Variants in CCDC40 observed in about 807,000 individuals in gnomAD.
CCDC40 encodes the protein coiled-coil domain 40 molecular ruler complex subunit, also known as coiled-coil domain-containing protein 40.
CCDC40 carries 104 observed loss-of-function variants against 124.5 expected under a neutral mutation model. The ratio of observed to expected loss-of-function variants is 0.84; its 90% CI spans 0.71 to 0.98. The LOEUF (loss-of-function observed/expected upper bound fraction) is 0.98. CCDC40 is among the 50% of genes least tolerant of loss of function. The pLI, the probability that CCDC40 is intolerant of heterozygous loss-of-function variation, is 0.00. For synonymous variants in CCDC40, 580 were observed against 602.9 expected (o/e 0.96, Z 0.56); for missense variants, 1,463 against 1,503.9 (o/e 0.97, Z 0.45).
chr17:80,036,674 G>T lies in CCDC40; in HGVS notation c.12G>T (p.Pro4=). Residue 4 remains proline (P), a synonymous_variant, in exon 1 of 20, where the codon CCG becomes CCT. Transcript: ENST00000397545. The stretch of plus-strand genomic sequence containing the variant: ...CCTAGCAACGGGAAATGGCGGAACC[G>T]GGCGGCGCGGCGGGCCGGTAAGCCG... MAE[P]GGAAGRSHPE... The T allele has an allele frequency of 6.8e-7, 1 of 1,463,260 alleles. No individual in the cohort carries two copies. The highest frequency in any genetic ancestry group is 9.0e-7 in the Non-Finnish European group (1 of 1,109,692). The allele number at this position is 1,463,260 out of a possible 1,614,324, so 90.6% of individuals were successfully genotyped here. A position where few individuals can be genotyped will look rare whatever the true frequency, so the allele number is the denominator to read the frequency against.
intron 10 of CCDC40, chr17:80,067,348 C>T (rs1205596886): frequency 5.1e-6 from 3 of 592,040 alleles, no homozygotes; most frequent in African/African-American, 3.7e-5. Flanking sequence ...CCTCCCAAGA[C>T]AAGCAAAGGC....
Position 80,040,007 on chromosome 17 carries a change from T to C in CCDC40, c.289T>C (p.Tyr97His). ...TGCTGAAAGCGAAGAGGAATATTAC[T>C]ATACAGAAACTTCATCCCCGGAAGG... ...GDAESEEEYYYTETSSPEGQI... is the reference protein window; with the variant it reads ...GDAESEEEYYHTETSSPEGQI... The change falls in exon 3 of 20, where the codon TAT becomes CAT. Residue 97 changes from tyrosine to histidine, a missense_variant. Tyr to His is a moderately conservative substitution (Grantham distance 83). Transcript: ENST00000397545. The C allele has an allele frequency of 6.2e-7, 1 of 1,614,148 alleles. No individual in the cohort carries two copies. Among genetic ancestry groups the C allele is most frequent in the Non-Finnish European group, 8.5e-7 (1 of 1,179,992 alleles).
intron 5 of CCDC40, 87 bp from the exon 6 acceptor site, chr17:80,049,819 G>A: frequency 9.1e-7 from 1 of 1,103,128 alleles, no homozygotes; most frequent in Non-Finnish European, 1.4e-6. Flanking sequence ...CCCACCGGAG[G>A]GAGACCTGTG....
In CCDC40 at chr17:80,065,558, G is replaced by A. The variant is rs763885468; in HGVS notation, c.1514G>A (p.Gly505Asp). 6.2e-7 allele frequency: 1 copy of A among 1,613,064 alleles called. No individual in the cohort carries two copies. The highest frequency in any genetic ancestry group is 8.5e-7 in the Non-Finnish European group (1 of 1,179,958). ...CAGCAATGGGCCAGCAGCCTGGTGGGCATGAAGCACCGCGACGAGGCGCAC... is the reference window on the plus strand; with the variant it reads ...CAGCAATGGGCCAGCAGCCTGGTGGACATGAAGCACCGCGACGAGGCGCAC... ...IMQQWASSLV[G>D]MKHRDEAHRA... The change falls in exon 10 of 20, where the codon GGC becomes GAC. Residue 505 changes from glycine (G) to aspartate (D), a missense_variant. Gly to Asp is a moderately conservative substitution (Grantham distance 94). Coordinates refer to ENST00000397545, the MANE Select transcript of CCDC40 (RefSeq NM_017950.4).
chr17:80,098,528 T>G (rs1358935397), intron 19 of CCDC40, among the ~76,000 whole-genome samples: 1 of 152,090 alleles, frequency 6.6e-6, no homozygotes, highest in Non-Finnish European at 1.5e-5. Context: ...TCCTGCTGGG[T>G]TGGCTGTGGT....
At chr17:80,067,677 T>A in intron 10 of CCDC40, 1 of 1,535,976 alleles carries the variant, frequency 6.5e-7, no homozygotes, top group Non-Finnish European at 8.7e-7. Flanking sequence ...GATCCGCGAA[T>A]GCTAACGCTC....
At chr17:80,061,884 C>G (rs1405613475) in intron 9 of CCDC40, among the ~76,000 whole-genome samples, 3 of 120,690 alleles carry the variant, frequency 2.5e-5, no homozygotes, top group Non-Finnish European at 5.2e-5. Flanking sequence ...ACCCCGCACC[C>G]TGTTAGTGCT....
chr17:80,047,646 T>C (rs909908357), intron 4 of CCDC40, among the ~76,000 whole-genome samples: 1 of 152,252 alleles, frequency 6.6e-6, no homozygotes, highest in African/African-American at 2.4e-5. Context: ...ACAGGTTCCC[T>C]AAGGCCATTA....
intron 7 of CCDC40, chr17:80,051,350 C>T: frequency 1.1e-5 from 11 of 960,144 alleles, no homozygotes; most frequent in South Asian, 4.8e-5. Flanking sequence ...CCTCTCTTGG[C>T]TGGGCGCAGT....
At position 80,099,864 on chromosome 17, in the gene CCDC40, T is replaced by A; in HGVS notation, c.*89T>A. The A allele has an allele frequency of 6.9e-7, 1 of 1,458,520 alleles. No individual in the cohort carries two copies. Among genetic ancestry groups the A allele is most frequent in the Non-Finnish European group, 9.4e-7 (1 of 1,061,838 alleles). 90.3% of individuals were successfully genotyped at this position (1,458,520 alleles called of 1,614,324 possible). A position where few individuals can be genotyped will look rare whatever the true frequency, so the allele number is the denominator to read the frequency against. On this transcript the variant is annotated 3_prime_UTR_variant, in exon 20 of 20. Coordinates refer to ENST00000397545, the MANE Select transcript of CCDC40 (RefSeq NM_017950.4). ...AGGGACTTGGAATCTTTTGTGTTCC[T>A]AAAAACCACATGTACCCTCAGAAGG...
chr17:80,074,075 T>C (rs998005803), intron 10 of CCDC40, among the ~76,000 whole-genome samples: 3 of 152,218 alleles, frequency 2.0e-5, no homozygotes, highest in African/African-American at 4.8e-5. Flanking sequence ...CTAGGCCTCT[T>C]GCACCAAAGG....
At chr17:80,088,337 T>C (rs2038634229) in intron 16 of CCDC40, 29 of 551,584 alleles carry the variant, frequency 5.3e-5, no homozygotes, top group South Asian at 5.1e-4. Context: ...CTGCAACCTC[T>C]GCCTCCCAGC....
At position 80,099,554 on chromosome 17, in the gene CCDC40, A is replaced by T. The variant is rs754197524; in HGVS notation, c.3208A>T (p.Thr1070Ser). The change falls in exon 20 of 20, where the codon ACA becomes TCA. Residue 1070 changes from threonine to serine, a missense_variant. By Grantham distance (58) the Thr-to-Ser change is moderately conservative. Coordinates refer to ENST00000397545, the MANE Select transcript of CCDC40 (RefSeq NM_017950.4). ...CCTTTCAGAGATCGTGGCCCTGCAG[A>T]CACGCCTTAAGCACCTGCAGGCTGT... The part of the protein sequence containing the change: ...QNLSEIVALQ[T>S]RLKHLQAVKE... 5.0e-6 allele frequency: 8 copies of T among 1,611,726 alleles called. No individual in the cohort carries two copies. The highest frequency in any genetic ancestry group is 6.8e-6 in the Non-Finnish European group (8 of 1,179,974).
At chr17:80,049,340 G>A (rs1457851095) in intron 5 of CCDC40, among the ~76,000 whole-genome samples, 1 of 151,718 alleles carries the variant, frequency 6.6e-6, no homozygotes, top group Non-Finnish European at 1.5e-5. Context: ...AAGAGGCGGA[G>A]GTTGCATGCA....
Position 80,041,230 on chromosome 17 carries a change from G to A in CCDC40, c.552+960G>A, listed in dbSNP as rs73434921. On this transcript the variant is annotated intron_variant, in intron 3 of 19. Coordinates refer to ENST00000397545, the MANE Select transcript of CCDC40 (RefSeq NM_017950.4). ...ACCATCAAAATCTAGAAATTGGGTC[G>A]GGCATGGTGGTGCACGCCTGTAATC... Among the ~76,000 whole-genome samples, 881 of 152,168 alleles carry A rather than the reference G, an allele frequency of 5.8e-3. 12 individuals are homozygous for A. The highest frequency in any genetic ancestry group is 0.02 in the African/African-American group (838 of 41,524).
chr17:80,090,913 A>T, intron 17 of CCDC40: 1 of 686,020 alleles, frequency 1.5e-6, no homozygotes, highest in Non-Finnish European at 1.9e-6. Context: ...TTGACTTTTC[A>T]TATTACAGAA....
chr17:80,095,667 AG>A (rs1351003193), intron 18 of CCDC40, among the ~76,000 whole-genome samples: 1 of 151,408 alleles, frequency 6.6e-6, no homozygotes, highest in Non-Finnish European at 1.5e-5. Context: ...GTTCGGGGTC[AG>A]GGGTGAGGAT....
At position 80,081,930 on chromosome 17, in the gene CCDC40, G is replaced by A. The variant is rs752125203; in HGVS notation, c.1861G>A (p.Glu621Lys). Residue 621 changes from glutamate to lysine, a missense_variant, in exon 12 of 20, where the codon GAG (glutamate) becomes AAG (lysine). Coordinates refer to ENST00000397545, the MANE Select transcript of CCDC40 (RefSeq NM_017950.4). Reference sequence around the variant, plus strand: ...GGCCATCCGCCAAGCCATCCAGGGCGAGCTGGAGCTCAGGAGGAAGACGGA... The same window carrying A: ...GGCCATCCGCCAAGCCATCCAGGGCAAGCTGGAGCTCAGGAGGAAGACGGA... ...LQAIRQAIQG[E>K]LELRRKTDAA... 8.7e-6 allele frequency: 14 copies of A among 1,613,800 alleles called. No homozygotes were observed. The highest frequency in any genetic ancestry group is 4.5e-5 in the East Asian group (2 of 44,818).
At chr17:80,044,716 A>AATATATATATATATATAT (rs10582928) in intron 3 of CCDC40, among the ~76,000 whole-genome samples, 1 of 131,746 alleles carries the variant, frequency 7.6e-6, no homozygotes, top group African/African-American at 3.3e-5. Flanking sequence ...CAAAAAAAAA[A>AATATATATATATATATAT]ATATATATAT....
Sources: allele counts gnomAD v4.1 joint callset (sites outside exome capture counted in the v4.1 genomes callset), GRCh38; gene constraint gnomAD v4.1.1; transcripts MANE v1.5; gene names NCBI Gene and HGNC (gene_info 2026-07-23, HGNC 2026-07-21).